The following RBKS variants were observed in gnomAD, a reference collection of about 807,000 sequenced individuals.
The protein encoded by RBKS is ribokinase.
Under a neutral mutation model 33.9 loss-of-function variants are expected in RBKS, and 33 were observed. The observed-to-expected ratio is 0.97, with a 90% CI of 0.74 to 1.30. RBKS has a LOEUF of 1.30. Among genes scored for constraint, RBKS ranks in the 50% most tolerant of loss-of-function variants. The pLI is 0.00. For missense variants in RBKS, 361 were observed against 392.6 expected (o/e 0.92, Z 0.68); for synonymous variants, 125 against 143.0 (o/e 0.87, Z 0.90).
chr2:27,827,843 C>T, intron 6 of RBKS, 88 bp from the exon 7 acceptor site: 1 of 1,197,724 alleles, frequency 8.3e-7, no homozygotes, highest in Non-Finnish European at 1.1e-6. Context: ...AAATGTCTCC[C>T]TTCTTTTTTA....
chr2:27,840,646 G>A (rs1453569085), intron 5 of RBKS, among the ~76,000 whole-genome samples: 1 of 152,114 alleles, frequency 6.6e-6, no homozygotes, highest in Non-Finnish European at 1.5e-5. Flanking sequence ...GCTGGACAGT[G>A]TTAAAATTTA....
At chr2:27,783,595 C>T (rs1677330062) in intron 7 of RBKS, among the ~76,000 whole-genome samples, 3 of 152,042 alleles carry the variant, frequency 2.0e-5, no homozygotes, top group South Asian at 4.1e-4. Context: ...TTAAATGTGA[C>T]TACACAGTCT....
At chr2:27,866,270 A>T (rs1664096329) in intron 1 of RBKS, among the ~76,000 whole-genome samples, 1 of 152,204 alleles carries the variant, frequency 6.6e-6, no homozygotes, top group South Asian at 2.1e-4. Flanking sequence ...TCTGACAGGA[A>T]GTCTGCAATC....
chr2:27,831,442 C>T (rs1469484699), intron 6 of RBKS, among the ~76,000 whole-genome samples: 1 of 152,146 alleles, frequency 6.6e-6, no homozygotes, highest in African/African-American at 2.4e-5. Flanking sequence ...ACTCTAACCT[C>T]TTATTGTGAA....
At chr2:27,856,734 A>G (rs1393309105) in intron 2 of RBKS, among the ~76,000 whole-genome samples, 1 of 152,048 alleles carries the variant, frequency 6.6e-6, no homozygotes, top group African/African-American at 2.4e-5. Context: ...ATAGCTTCCA[A>G]CGCCAATTCT....
intron 7 of RBKS, among the ~76,000 whole-genome samples, chr2:27,814,029 G>A (rs1404987161): frequency 6.6e-6 from 1 of 152,014 alleles, no homozygotes; most frequent in Non-Finnish European, 1.5e-5. Context: ...TATAAGACAA[G>A]GCTGTGCAAC....
chr2:27,859,095 G>T lies in RBKS; in HGVS notation c.90-524C>A, dbSNP rs149118879. The stretch of plus-strand genomic sequence containing the variant: ...CTAAAGAATCTTTTTTGTTTACTAA[G>T]GGGTAGAGTAAGAGTGGGGTGTTCA... On this transcript the variant is annotated intron_variant, in intron 1 of 7. Transcript: ENST00000302188. Among the ~76,000 whole-genome samples, 36 of 152,278 alleles carry T rather than the reference G, an allele frequency of 2.4e-4. No individual in the cohort carries two copies. In the East Asian group the frequency reaches 5.2e-3, roughly 22 times the overall value.
rs535683060 is a variant in RBKS, at chr2:27,847,667, A to T, written c.286+367T>A. ...TGTGCTCTTGCAGAAATCACAGAAC[A>T]TCTCTGACCTTCGGTTTTCTCTTCT... On this transcript the variant is annotated intron_variant, in intron 3 of 7. Transcript: ENST00000302188. 1.7e-4 allele frequency among the ~76,000 whole-genome samples: 26 copies of T among 152,354 alleles called. No homozygotes were observed. In the South Asian group the frequency reaches 5.0e-3, roughly 29 times the overall value.
At chr2:27,813,704 ATATC>A (rs1032696702) in intron 7 of RBKS, among the ~76,000 whole-genome samples, 43 of 152,158 alleles carry the variant, frequency 2.8e-4, no homozygotes, top group African/African-American at 1.0e-3. Flanking sequence ...GAGAGAGCGA[ATATC>A]TAATAGGGTT....
At chr2:27,833,416 G>A (rs1678461396) in intron 5 of RBKS, among the ~76,000 whole-genome samples, 1 of 152,186 alleles carries the variant, frequency 6.6e-6, no homozygotes, top group Non-Finnish European at 1.5e-5. Context: ...ATTGAGAAAG[G>A]AGGAGGAATT....
intron 7 of RBKS, among the ~76,000 whole-genome samples, chr2:27,784,484 A>G (rs1477146658): frequency 1.3e-5 from 2 of 152,270 alleles, no homozygotes; most frequent in East Asian, 3.8e-4. Flanking sequence ...ATTGTGGATT[A>G]AATGCTAAAT....
intron 7 of RBKS, among the ~76,000 whole-genome samples, chr2:27,826,033 G>C (rs1263719654): frequency 1.3e-5 from 2 of 152,176 alleles, no homozygotes; most frequent in East Asian, 3.9e-4. Flanking sequence ...TCTTGTCCTT[G>C]ACAAAACAGA....
chr2:27,824,757 T>A (rs946800831), intron 7 of RBKS, among the ~76,000 whole-genome samples: 2 of 152,220 alleles, frequency 1.3e-5, no homozygotes, highest in Non-Finnish European at 2.9e-5. Flanking sequence ...CCCATTTTCA[T>A]GAGGCAAATA....
At chr2:27,849,846 C>T (rs1663703721) in intron 2 of RBKS, among the ~76,000 whole-genome samples, 1 of 152,144 alleles carries the variant, frequency 6.6e-6, no homozygotes, top group Non-Finnish European at 1.5e-5. Context: ...TTGCAGGGGC[C>T]AGGCCTTTAG....
At chr2:27,789,726 G>A (rs1677470887) in intron 7 of RBKS, among the ~76,000 whole-genome samples, 1 of 151,484 alleles carries the variant, frequency 6.6e-6, no homozygotes, top group Non-Finnish European at 1.5e-5. Context: ...CACCACGCCT[G>A]GCTAATTTTT....
chr2:27,785,377 A>T (rs1038769322), intron 7 of RBKS, among the ~76,000 whole-genome samples: 83 of 152,348 alleles, frequency 5.4e-4, no homozygotes, highest in African/African-American at 1.9e-3. Flanking sequence ...CAAATGTAGG[A>T]TAAAAATGAA....
chr2:27,846,195 T>C (rs1436672708), intron 4 of RBKS, among the ~76,000 whole-genome samples: 1 of 152,246 alleles, frequency 6.6e-6, no homozygotes, highest in Non-Finnish European at 1.5e-5. Context: ...CTTGAACTCC[T>C]GACCTCAAAT....
At chr2:27,877,826 T>TA (rs1664343163) in intron 1 of RBKS, among the ~76,000 whole-genome samples, 1 of 152,196 alleles carries the variant, frequency 6.6e-6, no homozygotes, top group African/African-American at 2.4e-5. Context: ...ACTACTGTCC[T>TA]AGTTCGCACC....
At chr2:27,787,033 G>T (rs1677418824) in intron 7 of RBKS, among the ~76,000 whole-genome samples, 1 of 152,144 alleles carries the variant, frequency 6.6e-6, no homozygotes, top group Non-Finnish European at 1.5e-5. Flanking sequence ...CTGTCACCCA[G>T]GATGGAGCGC....
Sources: allele counts gnomAD v4.1 joint callset (sites outside exome capture counted in the v4.1 genomes callset), GRCh38; gene constraint gnomAD v4.1.1; transcripts MANE v1.5; gene names NCBI Gene and HGNC (gene_info 2026-07-23, HGNC 2026-07-21).